Variants in FBXW10B observed in about 807,000 individuals in gnomAD.
FBXW10B encodes F-box and WD repeat domain containing 10B.
the FBXW10B span, among the ~76,000 whole-genome samples, chr17:15,580,419 G>A: frequency 6.6e-6 from 1 of 151,402 alleles, no homozygotes. Flanking sequence ...AGCAGTGCAA[G>A]AGCACCAACG....
At chr17:15,569,455 CTTT>C in the FBXW10B span, among the ~76,000 whole-genome samples, 752 of 59,080 alleles carry the variant, frequency 0.013, 2 homozygotes, top group African/African-American at 0.058. Flanking sequence ...TTTTCTTTTT[CTTT>C]TTTTTTTTTT....
chr17:15,590,301 C>G, the FBXW10B span, among the ~76,000 whole-genome samples: 213 of 151,108 alleles, frequency 1.4e-3, 1 homozygote, highest in Middle Eastern at 0.014. Flanking sequence ...TTCAGGAGTC[C>G]TCCTTCATAC....
At chr17:15,615,930 G>A in the FBXW10B span, 4 of 1,420,336 alleles carry the variant, frequency 2.8e-6, no homozygotes, top group Non-Finnish European at 9.3e-7. Context: ...ATGGACCAGA[G>A]CAGTTATGTC....
At chr17:15,604,868 CTA>C in the FBXW10B span, among the ~76,000 whole-genome samples, 1 of 152,120 alleles carries the variant, frequency 6.6e-6, no homozygotes, top group Non-Finnish European at 1.5e-5. Context: ...TATTTTGCCT[CTA>C]TAGTCTGTCT....
At chr17:15,568,809 T>G in the FBXW10B span, 1 of 1,199,954 alleles carries the variant, frequency 8.3e-7, no homozygotes, top group African/African-American at 1.6e-5. Context: ...GCACTCTTTT[T>G]CTGTTATCTC....
the FBXW10B span, among the ~76,000 whole-genome samples, chr17:15,589,904 T>C: frequency 5.3e-5 from 8 of 152,222 alleles, no homozygotes; most frequent in African/African-American, 1.9e-4. Flanking sequence ...TTTACCATGA[T>C]TGTCTCTTAG....
the FBXW10B span, among the ~76,000 whole-genome samples, chr17:15,601,387 C>A: frequency 3.2e-5 from 4 of 126,342 alleles, no homozygotes; most frequent in African/African-American, 3.1e-5. Context: ...CTAGCCTGGG[C>A]GACAGAGCAA....
At chr17:15,585,312 T>C in the FBXW10B span, among the ~76,000 whole-genome samples, 2 of 152,140 alleles carry the variant, frequency 1.3e-5, no homozygotes, top group African/African-American at 2.4e-5. Context: ...AAAAAGATTA[T>C]GGAAAAAATA....
chr17:15,573,895 A>G, the FBXW10B span: 4 of 425,380 alleles, frequency 9.4e-6, no homozygotes, highest in Admixed American at 8.0e-5. Flanking sequence ...TAGCTAAAAT[A>G]CCATTTAATG....
the FBXW10B span, among the ~76,000 whole-genome samples, chr17:15,612,245 C>T: frequency 1.6e-4 from 25 of 152,242 alleles, no homozygotes; most frequent in Admixed American, 2.0e-4. Flanking sequence ...CGGTGGCTCA[C>T]GCCTGTAATC....
the FBXW10B span, among the ~76,000 whole-genome samples, chr17:15,570,424 G>A: frequency 6.6e-6 from 1 of 152,162 alleles, no homozygotes; most frequent in African/African-American, 2.4e-5. Context: ...ATATGTGTAA[G>A]GATAAAAACA....
chr17:15,586,205 T>A, the FBXW10B span, among the ~76,000 whole-genome samples: 3,188 of 151,816 alleles, frequency 0.021, 69 homozygotes, highest in Non-Finnish European at 0.028. Context: ...CATTTTTTCC[T>A]CACAAATTGA....
At chr17:15,566,153 G>A in the FBXW10B span, 54 of 1,610,224 alleles carry the variant, frequency 3.4e-5, no homozygotes, top group Non-Finnish European at 4.5e-5. Flanking sequence ...GAAATTGAAG[G>A]TCCCCAGACA....
At chr17:15,588,842 CT>C in the FBXW10B span, 1 of 1,612,894 alleles carries the variant, frequency 6.2e-7, no homozygotes, top group Non-Finnish European at 8.5e-7. Flanking sequence ...CGTTCTCTGC[CT>C]TTTTCCAGCC....
the FBXW10B span, among the ~76,000 whole-genome samples, chr17:15,608,155 C>T: frequency 3.7e-5 from 5 of 134,942 alleles, no homozygotes; most frequent in African/African-American, 1.6e-4. Context: ...CTATGCTATG[C>T]ATTTGCATTT....
chr17:15,580,211 C>T, the FBXW10B span, among the ~76,000 whole-genome samples: 1 of 152,116 alleles, frequency 6.6e-6, no homozygotes, highest in Middle Eastern at 3.4e-3. Context: ...TTCTGACCAC[C>T]CCCATCAAAT....
At chr17:15,613,035 A>G in the FBXW10B span, among the ~76,000 whole-genome samples, 2 of 152,114 alleles carry the variant, frequency 1.3e-5, no homozygotes, top group East Asian at 1.9e-4. Context: ...CCACAGGGGG[A>G]CCAGCAAAGA....
At chr17:15,618,384 A>T in the FBXW10B span, among the ~76,000 whole-genome samples, 1 of 152,076 alleles carries the variant, frequency 6.6e-6, no homozygotes, top group Admixed American at 6.5e-5. Context: ...CTGAGTCTGA[A>T]GTTCTGGGGG....
At chr17:15,595,368 A>G in the FBXW10B span, among the ~76,000 whole-genome samples, 1 of 152,198 alleles carries the variant, frequency 6.6e-6, no homozygotes, top group Middle Eastern at 3.4e-3. Context: ...AAAGAAAAGA[A>G]AAAATAAAAG....
Sources: gnomAD v4.1 joint callset for allele counts (sites outside exome capture counted in the v4.1 genomes callset) on GRCh38, gnomAD v4.1.1 for gene constraint, MANE v1.5 for transcripts, NCBI Gene and HGNC (gene_info 2026-07-23, HGNC 2026-07-21) for gene names.